The following TTC5 variants were observed in gnomAD, a reference collection of about 807,000 sequenced individuals.
The protein encoded by TTC5 is tetratricopeptide repeat protein 5.
TTC5 carries 46 observed loss-of-function variants against 57.4 expected under a neutral mutation model. The ratio of observed to expected loss-of-function variants is 0.80; its 90% CI spans 0.63 to 1.03. The LOEUF (loss-of-function observed/expected upper bound fraction) is 1.03. TTC5 is among the 50% of genes least tolerant of loss of function. The pLI is 0.00. For missense variants in TTC5, 504 were observed against 528.1 expected (o/e 0.95, Z 0.45); for synonymous variants, 190 against 203.5 (o/e 0.93, Z 0.57).
chr14:20,301,745 T>C (rs1882196426), intron 2 of TTC5, 88 bp downstream of exon 2: 2 of 1,547,982 alleles, frequency 1.3e-6, no homozygotes, highest in African/African-American at 1.4e-5. Context: ...CAGTAACAGA[T>C]AGGATACCAA....
chr14:20,292,275 T>C, intron 8 of TTC5, 148 bp from the exon 9 acceptor site: 1 of 129,838 alleles, frequency 7.7e-6, no homozygotes, highest in Non-Finnish European at 1.4e-5. Flanking sequence ...AAATTTAACT[T>C]AATTAAACTT....
chr14:20,296,327 C>G (rs1296139112), intron 6 of TTC5, 63 bp downstream of exon 6: 2 of 1,315,320 alleles, frequency 1.5e-6, no homozygotes, highest in Non-Finnish European at 2.2e-6. Flanking sequence ...GTTATCCTCA[C>G]AAGCTAAGAC....
intron 2 of TTC5, among the ~76,000 whole-genome samples, 188 bp from the exon 3 acceptor site, chr14:20,301,006 C>T (rs1348197467): frequency 1.3e-5 from 2 of 152,184 alleles, no homozygotes; most frequent in Non-Finnish European, 2.9e-5. Flanking sequence ...ACAAAGAAAG[C>T]ACTATTTCTA....
In TTC5 at chr14:20,287,219, C is replaced by T. The variant is rs1429210899; in HGVS notation, c.*2408G>A. On this transcript the variant is annotated 3_prime_UTR_variant, in exon 10 of 10. Transcript: ENST00000258821. Reference sequence around the variant, plus strand: ...GGTTTGCGAAACACAGATTGCTGGGCTCCTCCCACATAGTTTTGAATTCAG... The same window carrying T: ...GGTTTGCGAAACACAGATTGCTGGGTTCCTCCCACATAGTTTTGAATTCAG... The T allele has an allele frequency of 6.6e-6, 1 of 152,192 alleles. No individual in the cohort carries two copies. Among genetic ancestry groups the T allele is most frequent in the Non-Finnish European group, 1.5e-5 (1 of 68,048 alleles). 9.4% of individuals were successfully genotyped at this position (152,192 alleles called of 1,614,324 possible). A position where few individuals can be genotyped will look rare whatever the true frequency, so the allele number is the denominator to read the frequency against.
At position 20,295,496 on chromosome 14, in the gene TTC5, T is replaced by C. The variant is rs774559704; in HGVS notation, c.874A>G (p.Met292Val). ...GKVKTKKLQS[M>V]LGSLRPAHLG... is the part of the protein sequence containing the mutation. ...TGGGCTGGGCGCAAGCTTCCCAGCA[T>C]GCTCTGCAGCTTTTTGGTCTTCACC... Residue 292 changes from methionine to valine, a missense_variant, in exon 8 of 10, where the codon ATG becomes GTG. Transcript: ENST00000258821. The C allele has an allele frequency of 6.2e-7, 1 of 1,613,076 alleles. No individual in the cohort carries two copies. Among genetic ancestry groups the C allele is most frequent in the Admixed American group, 1.7e-5 (1 of 60,002 alleles).
chr14:20,293,746 G>A (rs773770711), intron 8 of TTC5: 21 of 152,188 alleles, frequency 1.4e-4, no homozygotes, highest in Non-Finnish European at 2.4e-4. Flanking sequence ...AATCTTTTTG[G>A]AGAATGGAGA....
intron 5 of TTC5, among the ~76,000 whole-genome samples, chr14:20,298,566 G>A (rs532281385): frequency 6.6e-6 from 1 of 152,272 alleles, no homozygotes; most frequent in East Asian, 1.9e-4. Flanking sequence ...AACCCAGACA[G>A]GTCAAGGAGC....
In TTC5 at chr14:20,300,566, C is replaced by T. The variant is rs200753746; in HGVS notation, c.396+41G>A. 1.9e-4 allele frequency: 295 copies of T among 1,538,918 alleles called. 1 individual carries two copies. In the Middle Eastern group the frequency reaches 4.6e-3, roughly 24 times the overall value. On this transcript the variant is annotated intron_variant, in intron 3 of 9. Transcript: ENST00000258821. ...ACTCATAGAACCAAAGAAATTCATC[C>T]TTCCCATCTCTGCTTTCCAAAGGGA...
rs370417927 is a variant in TTC5 at position 20,300,143 on chromosome 14, G to GTGTGTATATATATATATATA, written c.396+463_396+464insTATATATATATATATACACA. Among the ~76,000 whole-genome samples, 16 of 27,158 alleles carry GTGTGTATATATATATATATA rather than the reference G, an allele frequency of 5.9e-4. 1 individual carries two copies. The highest frequency in any genetic ancestry group is 1.8e-3 in the East Asian group (2 of 1,096). 17.8% of individuals were successfully genotyped at this position (27,158 alleles called of 152,430 possible). A position where few individuals can be genotyped will look rare whatever the true frequency, so the allele number is the denominator to read the frequency against. The stretch of plus-strand genomic sequence containing the variant: ...GCATGAGTCACCACGTCTGGTCCAT[G>GTGTGTATATATATATATATA]TATATATATATATTTTTTTTTTTTT... On this transcript the variant is annotated intron_variant, in intron 3 of 9. Transcript: ENST00000258821.
At position 20,292,107 on chromosome 14, in the gene TTC5, G is replaced by C. The variant is rs1350297877; in HGVS notation, c.1079C>G (p.Ser360Ter). ...CATCACTGCATAGCAAGGTCCATCT[G>C]AATCTACCAGGCCAAATGTACTACC... The part of the protein sequence containing the change: ...KVPFTFGLVD[S>*]DGPCYAVMVY... The change falls in exon 9 of 10, where the codon TCA (serine) becomes TGA (stop). Residue 360 changes from serine to a stop codon, truncating the protein, a stop_gained. Transcript: ENST00000258821. LOFTEE classifies it high-confidence loss of function. 1 of 1,576,312 alleles carries C rather than the reference G, an allele frequency of 6.3e-7. No individual in the cohort carries two copies. Among genetic ancestry groups the C allele is most frequent in the Admixed American group, 1.8e-5 (1 of 55,600 alleles).
chr14:20,305,725 C>T, intron 1 of TTC5, 162 bp downstream of exon 1: 1 of 695,992 alleles, frequency 1.4e-6, no homozygotes, highest in Non-Finnish European at 2.5e-6. Flanking sequence ...AACGAGGCTC[C>T]CTGGCTGGCT....
chr14:20,288,646 C>T lies in TTC5; in HGVS notation c.*981G>A, dbSNP rs1217141996. On this transcript the variant is annotated 3_prime_UTR_variant, in exon 10 of 10. Transcript: ENST00000258821. ...GGCCAGGCTGATCTTGAACTCCTGACCTCGTGATCCACCCGCCTTGGACTC... is the reference window on the plus strand; with the variant it reads ...GGCCAGGCTGATCTTGAACTCCTGATCTCGTGATCCACCCGCCTTGGACTC... 2 of 152,248 alleles carry T rather than the reference C, an allele frequency of 1.3e-5. No individual in the cohort carries two copies. The highest frequency in any genetic ancestry group is 2.9e-5 in the Non-Finnish European group (2 of 68,068). The allele number at this position is 152,248 out of a possible 1,614,324, so 9.4% of individuals were successfully genotyped here.
In TTC5 at chr14:20,295,448, G is replaced by A. The variant is rs746464697; in HGVS notation, c.922C>T (p.His308Tyr). The part of the protein sequence containing the change: ...PAHLGPCSDG[H>Y]YQSASGQKVT... ...TTCTGCCCAGAGGCTGACTGATAGT[G>A]CCCATCACTGCAAGGGCCTAGATGG... Residue 308 changes from histidine (H) to tyrosine (Y), a missense_variant, in exon 8 of 10, where the codon CAC becomes TAC. Coordinates refer to ENST00000258821, the MANE Select transcript of TTC5 (RefSeq NM_138376.3). 1 of 1,614,146 alleles carries A rather than the reference G, an allele frequency of 6.2e-7. No individual in the cohort carries two copies. The highest frequency in any genetic ancestry group is 1.7e-5 in the Admixed American group (1 of 60,018).
In TTC5 at chr14:20,295,196, A is replaced by C; in HGVS notation, c.1058+116T>G. ...GCCCACGGGATAGTCACAGAAGGAA[A>C]TCAGAAGTCACAAATCTGTGACCAC... is the stretch of plus-strand genomic sequence containing the variant. On this transcript the variant is annotated intron_variant, in intron 8 of 9. Transcript: ENST00000258821. The C allele has an allele frequency of 1.3e-5, 12 of 906,550 alleles. No individual in the cohort carries two copies. In the South Asian group the frequency reaches 1.5e-4, roughly 12 times the overall value. The allele number at this position is 906,550 out of a possible 1,614,324, so 56.2% of individuals were successfully genotyped here.
chr14:20,290,068 C>T (rs894557378), intron 9 of TTC5, among the ~76,000 whole-genome samples: 8 of 152,182 alleles, frequency 5.3e-5, no homozygotes, highest in African/African-American at 1.9e-4. Flanking sequence ...CTGCCTTTTC[C>T]CACGGTGTTT....
chr14:20,300,473 C>A (rs974200916), intron 3 of TTC5, 134 bp downstream of exon 3: 2 of 766,128 alleles, frequency 2.6e-6, no homozygotes, highest in South Asian at 1.9e-5. Context: ...TGCTCTCTGA[C>A]CTTTCCTCCC....
At position 20,295,856 on chromosome 14, in the gene TTC5, T is replaced by G; in HGVS notation, c.697-2A>C. The G allele has an allele frequency of 6.3e-7, 1 of 1,579,786 alleles. No individual in the cohort carries two copies. The highest frequency in any genetic ancestry group is 8.6e-7 in the Non-Finnish European group (1 of 1,169,430). On this transcript the variant is annotated splice_acceptor_variant, in intron 6 of 9. Transcript: ENST00000258821. LOFTEE classifies it high-confidence loss of function. ...ATAACTCTCTTCATATTTATGCAAC[T>G]GTACAAGAAGTGTATCCCAATTATA...
At chr14:20,304,050 C>CTAACAAATACATATGTGCT (rs1882243065) in intron 1 of TTC5, among the ~76,000 whole-genome samples, 1 of 152,182 alleles carries the variant, frequency 6.6e-6, no homozygotes, top group Non-Finnish European at 1.5e-5. Flanking sequence ...TATTTTTCTT[C>CTAACAAATACATATGTGCT]ATACTTATTT....
chr14:20,300,143 G>GTGTGTATATATATATA (rs370417927), intron 3 of TTC5, among the ~76,000 whole-genome samples: 18 of 27,166 alleles, frequency 6.6e-4, no homozygotes, highest in South Asian at 1.2e-3. Flanking sequence ...TCTGGTCCAT[G>GTGTGTATATATATATA]TATATATATA....
Sources: allele counts gnomAD v4.1 joint callset (sites outside exome capture counted in the v4.1 genomes callset), GRCh38; gene constraint gnomAD v4.1.1; transcripts MANE v1.5; gene names NCBI Gene and HGNC (gene_info 2026-07-23, HGNC 2026-07-21).